The following GALNT18 variants were observed in gnomAD, a reference collection of about 807,000 sequenced individuals.
The protein encoded by GALNT18 is GalNAc-transferase 18.
A neutral mutation model predicts 69.5 loss-of-function variants in GALNT18; 44 were observed. That is an observed-to-expected ratio of 0.63 (90% confidence interval 0.50 to 0.81). GALNT18 has a LOEUF of 0.81. Ranked by LOEUF, GALNT18 falls within the 40% of genes least tolerant of loss-of-function variation. The probability of loss-of-function intolerance (pLI) is 0.00; values close to 1 mark genes in which losing one functional copy is unlikely to be tolerated. For missense variants in GALNT18, 715 were observed against 810.0 expected (o/e 0.88, Z 1.42); for synonymous variants, 364 against 318.2 (o/e 1.14, Z -1.53).
Position 11,383,348 on chromosome 11 carries a change from A to G in GALNT18, c.596-4084T>C, listed in dbSNP as rs1327919206. Reference sequence around the variant, plus strand: ...CACAACCACTAGCAGGCTGAGCCGGAAGGGTCTGGCATGGAGGCTGTTAAT... The same window carrying G: ...CACAACCACTAGCAGGCTGAGCCGGGAGGGTCTGGCATGGAGGCTGTTAAT... On this transcript the variant is annotated intron_variant, in intron 3 of 10. Coordinates refer to ENST00000227756, the MANE Select transcript of GALNT18 (RefSeq NM_198516.3). This position sits in a 1 kb window ranked among gnomAD's most constrained non-coding sequence, Gnocchi z 5.2. 6.6e-6 allele frequency among the ~76,000 whole-genome samples: 1 copy of G among 152,192 alleles called. No individual in the cohort carries two copies. The highest frequency in any genetic ancestry group is 6.5e-5 in the Admixed American group (1 of 15,284).
intron 10 of GALNT18, among the ~76,000 whole-genome samples, chr11:11,278,257 C>T (rs1477666547): frequency 6.8e-6 from 1 of 148,068 alleles, no homozygotes; most frequent in Non-Finnish European, 1.5e-5. Flanking sequence ...ATCAATGAGA[C>T]AGAAAATTAA....
chr11:11,289,493 T>C (rs1564881431), intron 10 of GALNT18, among the ~76,000 whole-genome samples: 1 of 151,970 alleles, frequency 6.6e-6, no homozygotes, highest in Non-Finnish European at 1.5e-5. Flanking sequence ...TGGGGCTGCC[T>C]TTTCAAGCCA....
chr11:11,277,584 T>G (rs1158891998), intron 10 of GALNT18, among the ~76,000 whole-genome samples: 2 of 152,164 alleles, frequency 1.3e-5, no homozygotes, highest in Non-Finnish European at 2.9e-5. Flanking sequence ...TTATTTTAAT[T>G]TGATGTTAGG....
At chr11:11,317,281 AGTCTCTCAAAAG>A (rs759138569) in intron 9 of GALNT18, among the ~76,000 whole-genome samples, 20 of 152,360 alleles carry the variant, frequency 1.3e-4, no homozygotes, top group Non-Finnish European at 1.8e-4. Flanking sequence ...ACTGAAGCAC[AGTCTCTCAAAAG>A]GTTTAAACAC....
Position 11,497,318 on chromosome 11 carries a change from C to T in GALNT18, c.236-48382G>A, listed in dbSNP as rs1041781681. 3.2e-5 allele frequency among the ~76,000 whole-genome samples: 3 copies of T among 95,186 alleles called. No homozygotes were observed. Among genetic ancestry groups the T allele is most frequent in the Non-Finnish European group, 6.6e-5 (3 of 45,776 alleles). The allele number at this position is 95,186 out of a possible 152,430, so 62.4% of individuals were successfully genotyped here. ...CCTACTTATTATTTATGTTTTACCT[C>T]CTGTCTCCAACACACACACACACAC... On this transcript the variant is annotated intron_variant, in intron 1 of 10. Transcript: ENST00000227756. This position sits in a 1 kb window ranked among gnomAD's most constrained non-coding sequence, Gnocchi z 4.2.
chr11:11,557,680 T>A (rs1858365426), intron 1 of GALNT18, among the ~76,000 whole-genome samples: 1 of 152,186 alleles, frequency 6.6e-6, no homozygotes, highest in Non-Finnish European at 1.5e-5. Flanking sequence ...TCAGTTTGCA[T>A]CCCTACTATA....
Position 11,619,115 on chromosome 11 carries a change from C to T in GALNT18, c.235+2244G>A, listed in dbSNP as rs918040571. On this transcript the variant is annotated intron_variant, in intron 1 of 10. Coordinates refer to ENST00000227756, the MANE Select transcript of GALNT18 (RefSeq NM_198516.3). This position sits in a 1 kb window ranked among gnomAD's most constrained non-coding sequence, Gnocchi z 4.9. ...TGGTCATTGCTACACCATCATGGCA[C>T]AGCCAACCTGGTAACCTCTGCCCCT... 6.6e-6 allele frequency among the ~76,000 whole-genome samples: 1 copy of T among 152,164 alleles called. No individual in the cohort carries two copies. The highest frequency in any genetic ancestry group is 2.4e-5 in the African/African-American group (1 of 41,428).
rs907109002 is a variant in GALNT18, at chr11:11,461,436, A to G, written c.236-12500T>C. 1.3e-5 allele frequency among the ~76,000 whole-genome samples: 2 copies of G among 152,320 alleles called. No individual in the cohort carries two copies. On this transcript the variant is annotated intron_variant, in intron 1 of 10. Transcript: ENST00000227756. The surrounding 1 kb of genome is among the most constrained non-coding windows in gnomAD (Gnocchi z 4.1). Reference sequence around the variant, plus strand: ...GAAAAAACTCATTTTAGAGAGTGACAAATGTCTGTATCTTAGGAATCAGAA... The same window carrying G: ...GAAAAAACTCATTTTAGAGAGTGACGAATGTCTGTATCTTAGGAATCAGAA...
intron 3 of GALNT18, among the ~76,000 whole-genome samples, chr11:11,428,693 T>G (rs1855193953): frequency 6.6e-6 from 1 of 152,204 alleles, no homozygotes; most frequent in Non-Finnish European, 1.5e-5. Context: ...ACCTGGGCCC[T>G]GAATTTCTTT....
intron 9 of GALNT18, among the ~76,000 whole-genome samples, chr11:11,306,600 CAGAG>C (rs1389872056): frequency 6.6e-6 from 1 of 152,156 alleles, no homozygotes; most frequent in Non-Finnish European, 1.5e-5. Flanking sequence ...TGCACTATGA[CAGAG>C]AAAGTGTTAC....
At chr11:11,512,106 G>A (rs187796688) in intron 1 of GALNT18, among the ~76,000 whole-genome samples, 6 of 152,308 alleles carry the variant, frequency 3.9e-5, no homozygotes, top group Non-Finnish European at 7.4e-5. Context: ...CCATCCAGAA[G>A]TCTAAGTTAA....
rs111360608 is a variant in GALNT18 at position 11,294,820 on chromosome 11, T to C, written c.1513-1627A>G. On this transcript the variant is annotated intron_variant, in intron 9 of 10. Transcript: ENST00000227756. Reference sequence around the variant, plus strand: ...AAAAGTCTTAGGGTTCTGTGAACTCTTCTCCTCACATTGCCAAAGGCATTA... The same window carrying C: ...AAAAGTCTTAGGGTTCTGTGAACTCCTCTCCTCACATTGCCAAAGGCATTA... 2.0e-3 allele frequency among the ~76,000 whole-genome samples: 298 copies of C among 152,216 alleles called. 2 individuals carry two copies. Among genetic ancestry groups the C allele is most frequent in the African/African-American group, 6.9e-3 (286 of 41,542 alleles).
rs1400764560 is a variant in GALNT18 at position 11,377,968 on chromosome 11, G to T, written c.780-589C>A. On this transcript the variant is annotated intron_variant, in intron 4 of 10. Coordinates refer to ENST00000227756, the MANE Select transcript of GALNT18 (RefSeq NM_198516.3). The surrounding 1 kb of genome is among the most constrained non-coding windows in gnomAD (Gnocchi z 4.6). ...CCAGGGAGCTGGGAGACCCTTGAAG[G>T]CACCAGGCGAGTAAAGTGTTTGCAG... Among the ~76,000 whole-genome samples the T allele has an allele frequency of 6.6e-6, 1 of 152,196 alleles. No homozygotes were observed. The highest frequency in any genetic ancestry group is 6.5e-5 in the Admixed American group (1 of 15,280).
chr11:11,419,451 G>C (rs1854942543), intron 3 of GALNT18, among the ~76,000 whole-genome samples: 1 of 151,788 alleles, frequency 6.6e-6, no homozygotes, highest in South Asian at 2.1e-4. Context: ...ACAAAAATTA[G>C]CCAGGCATGG....
intron 9 of GALNT18, among the ~76,000 whole-genome samples, chr11:11,313,559 C>T (rs1037077176): frequency 6.6e-6 from 1 of 152,164 alleles, no homozygotes; most frequent in Non-Finnish European, 1.5e-5. Context: ...TGGCATTACA[C>T]CACCCTGTGA....
At chr11:11,539,028 G>A (rs2133952268) in intron 1 of GALNT18, among the ~76,000 whole-genome samples, 2 of 152,332 alleles carry the variant, frequency 1.3e-5, no homozygotes, top group Admixed American at 1.3e-4. Flanking sequence ...ACATCTTTGG[G>A]CTAGAGGAGT....
Position 11,604,461 on chromosome 11 carries a change from C to A in GALNT18, c.235+16898G>T, listed in dbSNP as rs1859701080. On this transcript the variant is annotated intron_variant, in intron 1 of 10. Coordinates refer to ENST00000227756, the MANE Select transcript of GALNT18 (RefSeq NM_198516.3). This position sits in a 1 kb window ranked among gnomAD's most constrained non-coding sequence, Gnocchi z 5.6. The stretch of plus-strand genomic sequence containing the variant: ...AAGGACAGGGTGGACAAGCGATCTA[C>A]ATCCAGCCCTAGACACCCAGGCAGC... Among the ~76,000 whole-genome samples the A allele has an allele frequency of 6.6e-6, 1 of 152,160 alleles. No individual in the cohort carries two copies. Among genetic ancestry groups the A allele is most frequent in the Admixed American group, 6.5e-5 (1 of 15,284 alleles).
chr11:11,531,426 G>A (rs377191132), intron 1 of GALNT18, among the ~76,000 whole-genome samples: 7 of 152,188 alleles, frequency 4.6e-5, no homozygotes, highest in African/African-American at 1.2e-4. Flanking sequence ...CTGTGCTTGC[G>A]TGTACATAAG....
intron 10 of GALNT18, among the ~76,000 whole-genome samples, chr11:11,277,132 G>C (rs554959183): frequency 6.6e-6 from 1 of 152,124 alleles, no homozygotes; most frequent in Non-Finnish European, 1.5e-5. Context: ...CTGTGAATCC[G>C]TCTGGTCCTG....
Sources: allele counts gnomAD v4.1 joint callset (sites outside exome capture counted in the v4.1 genomes callset), GRCh38; gene constraint gnomAD v4.1.1; non-coding constraint Gnocchi (gnomAD v3.1); transcripts MANE v1.5; gene names NCBI Gene and HGNC (gene_info 2026-07-23, HGNC 2026-07-21).